The following RBPJ variants were observed in gnomAD, a reference collection of about 807,000 sequenced individuals.
RBPJ encodes the protein recombination signal binding protein for immunoglobulin kappa J region, also known as recombining binding protein suppressor of hairless.
Under a neutral mutation model 67.8 loss-of-function variants are expected in RBPJ, and 9 were observed. The observed-to-expected ratio is 0.13, with a 90% CI of 0.08 to 0.23. The LOEUF is 0.23. Ranked by LOEUF, RBPJ falls within the 10% of genes least tolerant of loss-of-function variation. The pLI is 1.00. For missense variants in RBPJ, 305 were observed against 595.6 expected (o/e 0.51, Z 5.08); for synonymous variants, 198 against 203.3 (o/e 0.97, Z 0.22).
At chr4:26,157,274 A>T in the RBPJ span, among the ~76,000 whole-genome samples, 4 of 151,964 alleles carry the variant, frequency 2.6e-5, no homozygotes, top group African/African-American at 7.3e-5. Context: ...TCTCCAAAGA[A>T]TTTTTTACAT....
intron 1 of RBPJ, among the ~76,000 whole-genome samples, chr4:26,380,317 A>G (rs1398300589): frequency 6.6e-6 from 1 of 152,196 alleles, no homozygotes; most frequent in Non-Finnish European, 1.5e-5. Flanking sequence ...TTGTAATAGC[A>G]TATTAGGTCC....
chr4:26,211,485 T>A (rs553825120), intron 1 of RBPJ, among the ~76,000 whole-genome samples: 86 of 152,356 alleles, frequency 5.6e-4, no homozygotes, highest in African/African-American at 2.0e-3. Context: ...GTATTTCACA[T>A]ACCATAGATT....
At chr4:26,221,746 G>A (rs995733618) in intron 1 of RBPJ, among the ~76,000 whole-genome samples, 2 of 152,138 alleles carry the variant, frequency 1.3e-5, no homozygotes, top group African/African-American at 2.4e-5. Context: ...TCAATAGATC[G>A]GTAGGATGAC....
At chr4:26,287,190 G>A (rs1028241923) in intron 1 of RBPJ, among the ~76,000 whole-genome samples, 16 of 152,024 alleles carry the variant, frequency 1.1e-4, no homozygotes, top group Admixed American at 9.8e-4. Context: ...CCATGTCACT[G>A]TTCTGAGATC....
At chr4:26,344,348 C>T (rs1039787043) in intron 1 of RBPJ, among the ~76,000 whole-genome samples, 3 of 152,132 alleles carry the variant, frequency 2.0e-5, no homozygotes, top group East Asian at 3.9e-4. Context: ...CATTCTCCTG[C>T]GTCAGCCTCC....
At chr4:26,207,623 G>A (rs987663243) in intron 1 of RBPJ, among the ~76,000 whole-genome samples, 3 of 152,222 alleles carry the variant, frequency 2.0e-5, no homozygotes, top group Non-Finnish European at 2.9e-5. Context: ...CCAAGCTCTC[G>A]TTTAGGCACT....
At chr4:26,163,720 C>T (rs964408579) in intron 1 of RBPJ, 1 of 152,208 alleles carries the variant, frequency 6.6e-6, no homozygotes, top group Non-Finnish European at 1.5e-5. Flanking sequence ...TTGCTACTGC[C>T]ACCTCAAGGG....
At chr4:26,298,123 A>G (rs1194757858) in intron 1 of RBPJ, among the ~76,000 whole-genome samples, 1 of 152,202 alleles carries the variant, frequency 6.6e-6, no homozygotes, top group East Asian at 1.9e-4. Context: ...TTTTGAAAAC[A>G]TTCACTAATC....
At chr4:26,237,747 G>A (rs1719501457) in intron 1 of RBPJ, among the ~76,000 whole-genome samples, 1 of 152,140 alleles carries the variant, frequency 6.6e-6, no homozygotes, top group Non-Finnish European at 1.5e-5. Context: ...ACACTTAATT[G>A]GGCTGTTGAG....
chr4:26,141,280 G>A, the RBPJ span, among the ~76,000 whole-genome samples: 4 of 152,244 alleles, frequency 2.6e-5, no homozygotes, highest in African/African-American at 9.6e-5. Flanking sequence ...CTCTAACCCA[G>A]CACTAGGCCT....
rs1736393514 is a variant in RBPJ, at chr4:26,433,306, T to G, written c.*2299T>G. The stretch of plus-strand genomic sequence containing the variant: ...AGTCATGGCAGGAATCATTACACAG[T>G]GCTTTTGTTCAGAGCATGGACATGT... On this transcript the variant is annotated 3_prime_UTR_variant, in exon 11 of 11. Transcript: ENST00000355476. The G allele has an allele frequency of 6.6e-6, 1 of 152,214 alleles. No homozygotes were observed. Among genetic ancestry groups the G allele is most frequent in the Non-Finnish European group, 1.5e-5 (1 of 68,036 alleles). The allele number at this position is 152,214 out of a possible 1,614,324, so 9.4% of individuals were successfully genotyped here.
At chr4:26,362,648 C>T (rs1553871430) in intron 1 of RBPJ, 1 of 1,604,358 alleles carries the variant, frequency 6.2e-7, no homozygotes, top group Non-Finnish European at 8.5e-7. Flanking sequence ...AGAAATCTCC[C>T]AGTGACCCCA....
At chr4:26,360,133 A>T (rs1305820350) in intron 1 of RBPJ, among the ~76,000 whole-genome samples, 3 of 152,226 alleles carry the variant, frequency 2.0e-5, no homozygotes, top group Non-Finnish European at 4.4e-5. Flanking sequence ...GTGAATTTTG[A>T]TGTAAATACA....
intron 1 of RBPJ, chr4:26,383,849 CATT>C (rs1405426365): frequency 6.6e-6 from 1 of 152,062 alleles, no homozygotes; most frequent in Non-Finnish European, 1.5e-5. Flanking sequence ...ACCAGTAAAA[CATT>C]GTGTTTTGTT....
the RBPJ span, among the ~76,000 whole-genome samples, chr4:26,119,573 A>G: frequency 6.6e-6 from 1 of 152,136 alleles, no homozygotes; most frequent in Non-Finnish European, 1.5e-5. Flanking sequence ...CCTAGAAGGC[A>G]CTAGCCCCCT....
intron 1 of RBPJ, among the ~76,000 whole-genome samples, chr4:26,364,598 C>CTTTTTT (rs10939108): frequency 4.0e-5 from 5 of 125,388 alleles, no homozygotes; most frequent in Non-Finnish European, 5.0e-5. Flanking sequence ...ATTTGGAAGA[C>CTTTTTT]TTTTTTTTTT....
chr4:26,395,920 T>G (rs564351893), intron 2 of RBPJ, among the ~76,000 whole-genome samples: 1 of 152,358 alleles, frequency 6.6e-6, no homozygotes, highest in Admixed American at 6.5e-5. Flanking sequence ...GAGAAACTCT[T>G]AAAACAGTGT....
At chr4:26,407,198 C>T (rs542136095) in intron 3 of RBPJ, among the ~76,000 whole-genome samples, 10 of 152,188 alleles carry the variant, frequency 6.6e-5, no homozygotes, top group South Asian at 6.2e-4. Flanking sequence ...CCAAAAGTAC[C>T]GTTTTGCAAA....
At chr4:26,149,676 G>A in the RBPJ span, among the ~76,000 whole-genome samples, 2 of 152,198 alleles carry the variant, frequency 1.3e-5, no homozygotes, top group African/African-American at 4.8e-5. Context: ...GGATGACACA[G>A]CAAGAAGGCC....
Sources: gnomAD v4.1 joint callset for allele counts (sites outside exome capture counted in the v4.1 genomes callset) on GRCh38, gnomAD v4.1.1 for gene constraint, MANE v1.5 for transcripts, NCBI Gene and HGNC (gene_info 2026-07-23, HGNC 2026-07-21) for gene names.